Variants in CAMK1D observed in about 807,000 individuals in gnomAD.
CAMK1D encodes calcium/calmodulin-dependent protein kinase type 1D.
CAMK1D carries 9 observed loss-of-function variants against 47.7 expected under a neutral mutation model. The ratio of observed to expected loss-of-function variants is 0.19; its 90% CI spans 0.11 to 0.33. The LOEUF is 0.33. CAMK1D is among the 10% of genes least tolerant of loss of function. The pLI is 1.00. For missense variants in CAMK1D, 291 were observed against 488.7 expected (o/e 0.60, Z 3.81); for synonymous variants, 184 against 184.9 (o/e 0.99, Z 0.04).
intron 2 of CAMK1D, among the ~76,000 whole-genome samples, chr10:12,631,839 T>TC (rs1839388094): frequency 6.6e-6 from 1 of 152,174 alleles, no homozygotes; most frequent in Admixed American, 6.5e-5. Flanking sequence ...TATGACAGGA[T>TC]AGAGCGTGAG....
chr10:12,803,441 G>A (rs1445163563), intron 6 of CAMK1D, among the ~76,000 whole-genome samples: 1 of 152,154 alleles, frequency 6.6e-6, no homozygotes, highest in Non-Finnish European at 1.5e-5. Context: ...CAGCACTTTG[G>A]GAGGCTGAGG....
intron 1 of CAMK1D, among the ~76,000 whole-genome samples, chr10:12,395,362 C>T (rs1838905705): frequency 6.6e-6 from 1 of 152,000 alleles, no homozygotes. Flanking sequence ...ACCCTCTAAT[C>T]CTGCCTTGGT....
At chr10:12,376,162 C>CAAAA (rs59804213) in intron 1 of CAMK1D, among the ~76,000 whole-genome samples, 47 of 59,972 alleles carry the variant, frequency 7.8e-4, no homozygotes, top group Admixed American at 1.6e-3. Context: ...GACTCTGTCC[C>CAAAA]AAAAAAAAAA....
intron 1 of CAMK1D, among the ~76,000 whole-genome samples, chr10:12,547,091 T>C (rs1836401788): frequency 6.6e-6 from 1 of 152,076 alleles, no homozygotes; most frequent in Non-Finnish European, 1.5e-5. Context: ...AGATGAAACC[T>C]TGGGGGCCCA....
At chr10:12,793,139 G>A (rs1219194678) in intron 6 of CAMK1D, among the ~76,000 whole-genome samples, 1 of 152,038 alleles carries the variant, frequency 6.6e-6, no homozygotes, top group Admixed American at 6.6e-5. Flanking sequence ...GCTTGACTAT[G>A]GAAGGCTTAA....
intron 5 of CAMK1D, 111 bp downstream of exon 5, chr10:12,769,910 A>G (rs975197373): frequency 5.8e-6 from 7 of 1,215,188 alleles, no homozygotes; most frequent in South Asian, 1.5e-5. Flanking sequence ...CTTGGCATGT[A>G]ATCACAGCTG....
intron 1 of CAMK1D, among the ~76,000 whole-genome samples, chr10:12,522,364 C>A (rs1246938845): frequency 1.8e-5 from 2 of 109,704 alleles, no homozygotes; most frequent in African/African-American, 3.3e-5. Context: ...GTGTTTGTGT[C>A]CCTGGGTACT....
At chr10:12,587,548 T>TAAAAAAAAAA (rs5783279) in intron 2 of CAMK1D, among the ~76,000 whole-genome samples, 1 of 138,566 alleles carries the variant, frequency 7.2e-6, no homozygotes. Context: ...CAGACATCAT[T>TAAAAAAAAAA]AAAAAAAAAA....
intron 5 of CAMK1D, among the ~76,000 whole-genome samples, chr10:12,780,183 T>C: frequency 6.6e-6 from 1 of 152,050 alleles, no homozygotes; most frequent in East Asian, 1.9e-4. Context: ...ATGTGGGGCG[T>C]GGGATTATGA....
intron 1 of CAMK1D, among the ~76,000 whole-genome samples, chr10:12,357,117 C>G (rs1471598154): frequency 6.6e-6 from 1 of 152,150 alleles, no homozygotes; most frequent in Non-Finnish European, 1.5e-5. Context: ...GGAGATTTGT[C>G]ACATTACTGG....
intron 3 of CAMK1D, among the ~76,000 whole-genome samples, chr10:12,692,218 AAT>A (rs1302462798): frequency 2.6e-5 from 4 of 152,200 alleles, no homozygotes; most frequent in African/African-American, 9.7e-5. Context: ...TAGCCTATTG[AAT>A]AATCTGGTCA....
intron 1 of CAMK1D, among the ~76,000 whole-genome samples, chr10:12,389,368 C>T (rs4451621): frequency 0.37 from 55,673 of 151,902 alleles, 11,769 homozygotes; most frequent in East Asian, 0.57. Context: ...GGGACCATCC[C>T]GACACTGCTC....
At chr10:12,799,822 G>C (rs996671800) in intron 6 of CAMK1D, among the ~76,000 whole-genome samples, 1 of 152,084 alleles carries the variant, frequency 6.6e-6, no homozygotes, top group African/African-American at 2.4e-5. Flanking sequence ...TCAAAATGTG[G>C]ATTTTGCTGC....
intron 6 of CAMK1D, among the ~76,000 whole-genome samples, chr10:12,804,592 C>T (rs1016687325): frequency 3.2e-5 from 3 of 92,898 alleles, no homozygotes; most frequent in African/African-American, 4.4e-5. Context: ...AGTGAGACTC[C>T]GTCTCAAATA....
At chr10:12,418,057 T>C (rs528879260) in intron 1 of CAMK1D, among the ~76,000 whole-genome samples, 60 of 152,286 alleles carry the variant, frequency 3.9e-4, no homozygotes, top group Non-Finnish European at 7.2e-4. Flanking sequence ...AGGCCCGCCT[T>C]GGCCTCCCAA....
At chr10:12,513,701 T>C (rs1462693111) in intron 1 of CAMK1D, among the ~76,000 whole-genome samples, 1 of 152,106 alleles carries the variant, frequency 6.6e-6, no homozygotes, top group Non-Finnish European at 1.5e-5. Flanking sequence ...CTCGGGAGGC[T>C]GAGGTGGGAG....
intron 1 of CAMK1D, among the ~76,000 whole-genome samples, chr10:12,424,882 T>A (rs1229175282): frequency 6.6e-6 from 1 of 152,170 alleles, no homozygotes; most frequent in East Asian, 1.9e-4. Context: ...TCTTGCATCA[T>A]CTAATAGAGG....
intron 3 of CAMK1D, among the ~76,000 whole-genome samples, chr10:12,735,753 C>G (rs530525893): frequency 2.0e-5 from 3 of 151,368 alleles, no homozygotes; most frequent in Non-Finnish European, 4.4e-5. Flanking sequence ...TTCTAATCCC[C>G]GAAGAGTTAT....
intron 2 of CAMK1D, among the ~76,000 whole-genome samples, chr10:12,642,089 T>C (rs1385512210): frequency 6.6e-6 from 1 of 151,982 alleles, no homozygotes; most frequent in Non-Finnish European, 1.5e-5. Flanking sequence ...GGCTTTTGCT[T>C]TTTTACCTGC....
Sources: allele counts gnomAD v4.1 joint callset (sites outside exome capture counted in the v4.1 genomes callset), GRCh38; gene constraint gnomAD v4.1.1; transcripts MANE v1.5; gene names NCBI Gene and HGNC (gene_info 2026-07-23, HGNC 2026-07-21).